The following ZNF174 variants were observed in gnomAD, a reference collection of about 807,000 sequenced individuals.
The protein encoded by ZNF174 is zinc finger protein 174.
A neutral mutation model predicts 38.7 loss-of-function variants in ZNF174; 30 were observed. The observed-to-expected ratio is 0.78, with a 90% CI of 0.58 to 1.05. The LOEUF is 1.05. Among genes scored for constraint, ZNF174 ranks in the 50% least tolerant of loss-of-function variants. The probability of loss-of-function intolerance (pLI) is 0.00; values close to 1 mark genes in which losing one functional copy is unlikely to be tolerated. For synonymous variants in ZNF174, 201 were observed against 181.7 expected, an observed-to-expected ratio of 1.11 and a Z score of -0.86; for missense variants, 499 against 495.6, an observed-to-expected ratio of 1.01 and a Z score of -0.06.
chr16:3,408,845 T>G lies in ZNF174; in HGVS notation c.1150T>G (p.Cys384Gly). Reference protein sequence around the residue: ...RIHTGEKPYQCGQCGKSFRQS... With the variant: ...RIHTGEKPYQGGQCGKSFRQS... ...CCACACTGGAGAGAAGCCATACCAG[T>G]GTGGCCAGTGTGGGAAAAGCTTTCG... Residue 384 changes from cysteine (C) to glycine (G), a missense_variant, in exon 3 of 3, where the codon TGT becomes GGT. Cys to Gly is a radical substitution (Grantham distance 159). Coordinates refer to ENST00000268655, the MANE Select transcript of ZNF174 (RefSeq NM_003450.3). 1 of 1,614,096 alleles carries G rather than the reference T, an allele frequency of 6.2e-7. No homozygotes were observed. The highest frequency in any genetic ancestry group is 8.5e-7 in the Non-Finnish European group (1 of 1,179,998).
At chr16:3,404,866 C>T (rs749525094) in intron 2 of ZNF174, 1 of 1,599,044 alleles carries the variant, frequency 6.3e-7, no homozygotes, top group Non-Finnish European at 8.5e-7. Context: ...ATTTAAGAAT[C>T]CAGTGCATGA....
chr16:3,405,209 A>G, intron 2 of ZNF174: 1 of 803,156 alleles, frequency 1.2e-6, no homozygotes. Flanking sequence ...ATGTGAATAC[A>G]AGATACAGTG....
At position 3,401,747 on chromosome 16, in the gene ZNF174, G is replaced by C. The variant is rs1342737297; in HGVS notation, c.-258G>C. 1 of 438,894 alleles carries C rather than the reference G, an allele frequency of 2.3e-6. No individual in the cohort carries two copies. Among genetic ancestry groups the C allele is most frequent in the Non-Finnish European group, 4.1e-6 (1 of 246,696 alleles). 27.2% of individuals were successfully genotyped at this position (438,894 alleles called of 1,614,324 possible). A position where few individuals can be genotyped will look rare whatever the true frequency, so the allele number is the denominator to read the frequency against. On this transcript the variant is annotated 5_prime_UTR_variant, in exon 1 of 3. Coordinates refer to ENST00000268655, the MANE Select transcript of ZNF174 (RefSeq NM_003450.3). Reference sequence around the variant, plus strand: ...TTTTTCCCCAGAGTCCTTTTAGGACGTTATGACTTTTCTCCTTTGCAAGAC... The same window carrying C: ...TTTTTCCCCAGAGTCCTTTTAGGACCTTATGACTTTTCTCCTTTGCAAGAC...
intron 2 of ZNF174, among the ~76,000 whole-genome samples, chr16:3,405,660 C>T (rs1330145753): frequency 1.3e-5 from 2 of 152,218 alleles, no homozygotes; most frequent in East Asian, 1.9e-4. Context: ...CCCCTGGCAA[C>T]CACAGTCTAC....
Position 3,405,993 on chromosome 16 carries a change from G to C in ZNF174, c.625+1345G>C, listed in dbSNP as rs933128503. ...ACTGCACTCTAGCCTATGTGACAAAGTAAGACCCTGTCTCAAAAATAAATA... is the reference window on the plus strand; with the variant it reads ...ACTGCACTCTAGCCTATGTGACAAACTAAGACCCTGTCTCAAAAATAAATA... On this transcript the variant is annotated intron_variant, in intron 2 of 2. Transcript: ENST00000268655. Among the ~76,000 whole-genome samples the C allele has an allele frequency of 2.8e-4, 43 of 152,198 alleles. 1 individual carries two copies. The highest frequency in any genetic ancestry group is 2.6e-3 in the Admixed American group (40 of 15,288).
intron 2 of ZNF174, chr16:3,405,036 A>C: frequency 6.3e-7 from 1 of 1,592,964 alleles, no homozygotes; most frequent in Non-Finnish European, 8.5e-7. Context: ...AACCCACCCT[A>C]TATCTTATAT....
rs769557648 is a variant in ZNF174, at chr16:3,408,382, A to G, written c.687A>G (p.Ala229=). The G allele has an allele frequency of 1.9e-6, 3 of 1,614,114 alleles. No individual in the cohort carries two copies. The highest frequency in any genetic ancestry group is 2.5e-6 in the Non-Finnish European group (3 of 1,179,972). The change falls in exon 3 of 3, where the codon GCA becomes GCG. Residue 229 remains alanine, a synonymous_variant. Transcript: ENST00000268655. ...CACAACAGGAAGGGGCTAAAGGAGC[A>G]AAGCCATGTGCAGTGTCAGCTGGCA... is the stretch of plus-strand genomic sequence containing the variant. ...ENPQQEGAKG[A]KPCAVSAGRS...
Position 3,402,117 on chromosome 16 carries a change from A to C in ZNF174, c.113A>C (p.Asn38Thr), listed in dbSNP as rs755994706. The C allele has an allele frequency of 1.2e-6, 2 of 1,614,052 alleles. No individual in the cohort carries two copies. Among genetic ancestry groups the C allele is most frequent in the East Asian group, 2.2e-5 (1 of 44,892 alleles). The part of the protein sequence containing the change: ...EEKRGPPLQK[N>T]CPDPELCRQS... ...AAACGGGGCCCTCCTCTGCAAAAAA[A>C]CTGCCCAGATCCTGAGCTCTGCCGC... Residue 38 changes from asparagine to threonine, a missense_variant, in exon 1 of 3, where the codon AAC (asparagine) becomes ACC (threonine). By Grantham distance (65) the Asn-to-Thr change is moderately conservative. Coordinates refer to ENST00000268655, the MANE Select transcript of ZNF174 (RefSeq NM_003450.3).
chr16:3,402,313 G>C lies in ZNF174; in HGVS notation c.309G>C (p.Gln103His). ...TGACCATCCTGCCCCCGGAGATCCAGGCTCGGGTCAGGCATCGATGTCCAA... is the reference window on the plus strand; with the variant it reads ...TGACCATCCTGCCCCCGGAGATCCACGCTCGGGTCAGGCATCGATGTCCAA... ...QFLTILPPEI[Q>H]ARVRHRCPMS... is the part of the protein sequence containing the mutation. Residue 103 changes from glutamine (Q) to histidine (H), a missense_variant, in exon 1 of 3, where the codon CAG becomes CAC. Physicochemically the swap from Gln to His is conservative, Grantham distance 24. Coordinates refer to ENST00000268655, the MANE Select transcript of ZNF174 (RefSeq NM_003450.3). The C allele has an allele frequency of 6.2e-7, 1 of 1,614,128 alleles. No homozygotes were observed. The highest frequency in any genetic ancestry group is 8.5e-7 in the Non-Finnish European group (1 of 1,180,024).
In ZNF174 at chr16:3,408,730, G is replaced by A; in HGVS notation, c.1035G>A (p.Lys345=). 1 of 1,614,152 alleles carries A rather than the reference G, an allele frequency of 6.2e-7. No homozygotes were observed. The highest frequency in any genetic ancestry group is 1.1e-5 in the South Asian group (1 of 91,084). ...GGAATTCAGAGCTGAAGAGACACAA[G>A]AGAGTCCACACAGGAGAGAGACCCT... is the stretch of plus-strand genomic sequence containing the variant. ...FTWNSELKRH[K]RVHTGERPYT... The change falls in exon 3 of 3, where the codon AAG becomes AAA. Residue 345 remains lysine (K), a synonymous_variant. Coordinates refer to ENST00000268655, the MANE Select transcript of ZNF174 (RefSeq NM_003450.3).
In ZNF174 at chr16:3,408,381, C is replaced by T; in HGVS notation, c.686C>T (p.Ala229Val). 6.2e-7 allele frequency: 1 copy of T among 1,613,950 alleles called. No individual in the cohort carries two copies. The highest frequency in any genetic ancestry group is 8.5e-7 in the Non-Finnish European group (1 of 1,179,924). The change falls in exon 3 of 3, where the codon GCA (alanine) becomes GTA (valine). Residue 229 changes from alanine to valine, a missense_variant. By Grantham distance (64) the Ala-to-Val change is moderately conservative. Coordinates refer to ENST00000268655, the MANE Select transcript of ZNF174 (RefSeq NM_003450.3). ...ENPQQEGAKG[A>V]KPCAVSAGRS... ...CCACAACAGGAAGGGGCTAAAGGAG[C>T]AAAGCCATGTGCAGTGTCAGCTGGC...
chr16:3,407,048 T>G (rs1158964992), intron 2 of ZNF174, among the ~76,000 whole-genome samples: 1 of 152,234 alleles, frequency 6.6e-6, no homozygotes, highest in Admixed American at 6.5e-5. Flanking sequence ...TGCCTTAGAC[T>G]AGGTAATTTA....
At chr16:3,404,940 G>A in intron 2 of ZNF174, 2 of 1,614,104 alleles carry the variant, frequency 1.2e-6, no homozygotes, top group Non-Finnish European at 1.7e-6. Context: ...ATCCAAATAT[G>A]GCCACAGATG....
Position 3,408,579 on chromosome 16 carries a change from G to C in ZNF174, c.884G>C (p.Arg295Thr), listed in dbSNP as rs771610305. The C allele has an allele frequency of 8.1e-6, 13 of 1,614,090 alleles. 1 individual carries two copies. The South Asian group carries it at 1.2e-4, about 15-fold the overall frequency. ...ISSPLKSHPL[R>T]ELKKSKGGKR... Reference sequence around the variant, plus strand: ...AGCCCCCTAAAAAGCCACCCACTGAGAGAGCTAAAGAAAAGCAAAGGAGGT... The same window carrying C: ...AGCCCCCTAAAAAGCCACCCACTGACAGAGCTAAAGAAAAGCAAAGGAGGT... The change falls in exon 3 of 3, where the codon AGA becomes ACA. Residue 295 changes from arginine to threonine, a missense_variant. Transcript: ENST00000268655.
At chr16:3,403,247 G>A (rs541284200) in intron 1 of ZNF174, among the ~76,000 whole-genome samples, 274 of 125,286 alleles carry the variant, frequency 2.2e-3, no homozygotes, top group Non-Finnish European at 3.1e-3. Flanking sequence ...TCAGCCCACT[G>A]CAACCTCTGC....
At position 3,404,620 on chromosome 16, in the gene ZNF174, A is replaced by T; in HGVS notation, c.597A>T (p.Gln199His). The T allele has an allele frequency of 6.2e-7, 1 of 1,614,254 alleles. No homozygotes were observed. Among genetic ancestry groups the T allele is most frequent in the Non-Finnish European group, 8.5e-7 (1 of 1,180,054 alleles). Residue 199 changes from glutamine to histidine, a missense_variant, in exon 2 of 3, where the codon CAA becomes CAT. Transcript: ENST00000268655. ...ATTGGGAGAAATCCCCACTCCTCCAAGAACCAACCCCCAAATTGGCTGGGA... is the reference window on the plus strand; with the variant it reads ...ATTGGGAGAAATCCCCACTCCTCCATGAACCAACCCCCAAATTGGCTGGGA... ...PHHWEKSPLL[Q>H]EPTPKLAGTE...
rs1042969274 is a variant in ZNF174 at position 3,401,771 on chromosome 16, A to G, written c.-234A>G. On this transcript the variant is annotated 5_prime_UTR_variant, in exon 1 of 3. Transcript: ENST00000268655. ...CGTTATGACTTTTCTCCTTTGCAAG[A>G]CTGCAAAAAACTGACAAGAAGACAA... 57 of 508,226 alleles carry G rather than the reference A, an allele frequency of 1.1e-4. 1 individual carries two copies. The South Asian group carries it at 1.4e-3, about 12-fold the overall frequency. The allele number at this position is 508,226 out of a possible 1,614,324, so 31.5% of individuals were successfully genotyped here.
Position 3,402,130 on chromosome 16 carries a change from T to G in ZNF174, c.126T>G (p.Pro42=). Residue 42 remains proline (P), a synonymous_variant, in exon 1 of 3, where the codon CCT becomes CCG. Transcript: ENST00000268655. ...CTCTGCAAAAAAACTGCCCAGATCC[T>G]GAGCTCTGCCGCCAGAGCTTCAGAC... ...GPPLQKNCPD[P]ELCRQSFRRF... The G allele has an allele frequency of 6.2e-7, 1 of 1,614,170 alleles. No homozygotes were observed. Among genetic ancestry groups the G allele is most frequent in the Non-Finnish European group, 8.5e-7 (1 of 1,180,018 alleles).
chr16:3,406,818 A>C (rs1206382382), intron 2 of ZNF174, among the ~76,000 whole-genome samples: 1 of 152,066 alleles, frequency 6.6e-6, no homozygotes, highest in Non-Finnish European at 1.5e-5. Flanking sequence ...CTTTGGTGTC[A>C]TATGTAAAAT....
Sources: allele counts gnomAD v4.1 joint callset (sites outside exome capture counted in the v4.1 genomes callset), GRCh38; gene constraint gnomAD v4.1.1; transcripts MANE v1.5; gene names NCBI Gene and HGNC (gene_info 2026-07-23, HGNC 2026-07-21).